EFCAB13: variants seen among roughly 807,000 people sequenced by gnomAD.
The protein encoded by EFCAB13 is EF-hand calcium-binding domain-containing protein 13.
EFCAB13 carries 91 observed loss-of-function variants against 110.2 expected under a neutral mutation model. The observed-to-expected ratio is 0.83, with a 90% CI of 0.70 to 0.98. The LOEUF (loss-of-function observed/expected upper bound fraction) is 0.98, where lower values mean the gene tolerates loss of function less well. EFCAB13 is among the 50% of genes least tolerant of loss of function. The pLI is 0.00. For synonymous variants in EFCAB13, 323 were observed against 369.9 expected (o/e 0.87, Z 1.45); for missense variants, 968 against 1,119.4 (o/e 0.86, Z 1.93).
intron 16 of EFCAB13, among the ~76,000 whole-genome samples, chr17:47,394,821 T>C (rs2065728363): frequency 6.6e-6 from 1 of 152,206 alleles, no homozygotes; most frequent in African/African-American, 2.4e-5. Context: ...TCATTTTTCC[T>C]AGGAAATTCA....
chr17:47,429,545 CA>C (rs1448087929), intron 23 of EFCAB13, among the ~76,000 whole-genome samples: 2 of 151,038 alleles, frequency 1.3e-5, no homozygotes, highest in African/African-American at 2.4e-5. Flanking sequence ...ATCTGAAAAA[CA>C]GGGATGAAAA....
chr17:47,438,579 T>A (rs1279144651), intron 24 of EFCAB13, among the ~76,000 whole-genome samples: 1 of 151,910 alleles, frequency 6.6e-6, no homozygotes, highest in Non-Finnish European at 1.5e-5. Context: ...CTTCTACTTG[T>A]TCAGCTCTAT....
chr17:47,435,512 T>C (rs370348358), intron 24 of EFCAB13, among the ~76,000 whole-genome samples: 132 of 152,222 alleles, frequency 8.7e-4, no homozygotes, highest in African/African-American at 3.1e-3. Flanking sequence ...TTCAGTATAT[T>C]CCTAAGATTT....
chr17:47,436,059 ATG>A (rs1353290687), intron 24 of EFCAB13, among the ~76,000 whole-genome samples: 1 of 152,182 alleles, frequency 6.6e-6, no homozygotes, highest in African/African-American at 2.4e-5. Context: ...TAATCTGTTT[ATG>A]TGGTGTATCA....
Position 47,394,106 on chromosome 17 carries a change from A to G in EFCAB13, c.1801+7A>G, listed in dbSNP as rs2143418119. On this transcript the variant is annotated splice_region_variant and intron_variant, in intron 16 of 24. Coordinates refer to ENST00000331493, the MANE Select transcript of EFCAB13 (RefSeq NM_152347.5). ...TGCTTCTCTGAAAAATTAGGTACGT[A>G]AGAATATCATGTCTTCTGCTTTTTG... 2 of 1,492,734 alleles carry G rather than the reference A, an allele frequency of 1.3e-6. No homozygotes were observed. The highest frequency in any genetic ancestry group is 4.9e-5 in the East Asian group (2 of 40,704). The allele number at this position is 1,492,734 out of a possible 1,614,324, so 92.5% of individuals were successfully genotyped here.
chr17:47,325,962 A>ATATATATG (rs2065283472), intron 2 of EFCAB13, among the ~76,000 whole-genome samples: 2 of 107,106 alleles, frequency 1.9e-5, no homozygotes, highest in Non-Finnish European at 3.9e-5. Context: ...ATATATATAT[A>ATATATATG]GCATATATAT....
intron 20 of EFCAB13, among the ~76,000 whole-genome samples, chr17:47,408,654 G>A (rs11867516): frequency 0.088 from 13,366 of 152,048 alleles, 843 homozygotes; most frequent in East Asian, 0.35. Flanking sequence ...TCCATCTCAA[G>A]TAAATAAATA....
intron 23 of EFCAB13, among the ~76,000 whole-genome samples, chr17:47,419,813 T>G (rs988858547): frequency 1.3e-5 from 2 of 152,168 alleles, no homozygotes; most frequent in African/African-American, 4.8e-5. Flanking sequence ...TTTAAAAGGC[T>G]GTGAACATTG....
intron 23 of EFCAB13, among the ~76,000 whole-genome samples, chr17:47,426,339 CT>C (rs1219914588): frequency 3.9e-5 from 6 of 152,168 alleles, no homozygotes; most frequent in Admixed American, 3.9e-4. Context: ...CAAGATCACA[CT>C]TGTGGGAAAT....
At chr17:47,349,876 G>A (rs557739155) in intron 9 of EFCAB13, among the ~76,000 whole-genome samples, 2 of 145,428 alleles carry the variant, frequency 1.4e-5, no homozygotes, top group Admixed American at 7.1e-5. Context: ...CCGGGTTCAC[G>A]CCATTCTCCT....
At chr17:47,337,429 A>G (rs2065357627) in intron 5 of EFCAB13, among the ~76,000 whole-genome samples, 1 of 152,220 alleles carries the variant, frequency 6.6e-6, no homozygotes, top group South Asian at 2.1e-4. Context: ...AACTCACCAC[A>G]ATGCCTATGT....
chr17:47,411,939 T>A (rs1487288776), intron 21 of EFCAB13, among the ~76,000 whole-genome samples: 2 of 151,912 alleles, frequency 1.3e-5, no homozygotes, highest in East Asian at 3.9e-4. Context: ...TAAAAATATT[T>A]AAAAAATTAG....
chr17:47,440,568 A>G lies in EFCAB13; in HGVS notation c.2776A>G (p.Lys926Glu). ...AAGGCAAGCAGTGGTTTACATGTTA[A>G]AAACAATACAGGATTCGATAGTTAA... ...LERQAVVYMLKTIQDSIVKAQ... is the reference protein window; with the variant it reads ...LERQAVVYMLETIQDSIVKAQ... The change falls in exon 25 of 25, where the codon AAA (lysine) becomes GAA (glutamate). Residue 926 changes from lysine to glutamate, a missense_variant. Transcript: ENST00000331493. 6.2e-7 allele frequency: 1 copy of G among 1,613,388 alleles called. No homozygotes were observed. Among genetic ancestry groups the G allele is most frequent in the South Asian group, 1.1e-5 (1 of 90,990 alleles).
rs1351262943 is a variant in EFCAB13 at position 47,324,040 on chromosome 17, C to T, written c.-352C>T. ...GGCTGACCACAGAGAGCGCGGGGGC[C>T]TCCAGCCGAGAGGAAGGGAGGGCAG... On this transcript the variant is annotated 5_prime_UTR_variant, in exon 1 of 25. Transcript: ENST00000331493. 2 of 152,774 alleles carry T rather than the reference C, an allele frequency of 1.3e-5. No homozygotes were observed. The highest frequency in any genetic ancestry group is 1.9e-4 in the East Asian group (1 of 5,152). 9.5% of individuals were successfully genotyped at this position (152,774 alleles called of 1,614,324 possible).
At chr17:47,339,020 G>GA (rs1201949466) in intron 5 of EFCAB13, among the ~76,000 whole-genome samples, 3 of 151,470 alleles carry the variant, frequency 2.0e-5, no homozygotes, top group Non-Finnish European at 2.9e-5. Flanking sequence ...AATAAAATTG[G>GA]AAAAAAAGGC....
intron 4 of EFCAB13, chr17:47,328,771 T>G (rs2065302725): frequency 6.0e-6 from 1 of 166,416 alleles, no homozygotes; most frequent in Non-Finnish European, 1.3e-5. Context: ...CTTCAGAGTT[T>G]TATGCCCTTC....
intron 17 of EFCAB13, among the ~76,000 whole-genome samples, chr17:47,399,038 T>A (rs960457085): frequency 6.6e-6 from 1 of 152,152 alleles, no homozygotes; most frequent in East Asian, 1.9e-4. Flanking sequence ...TTCTGCTGCC[T>A]CAGCCTCCCA....
chr17:47,410,947 C>T (rs942433372), intron 21 of EFCAB13, among the ~76,000 whole-genome samples: 2 of 151,958 alleles, frequency 1.3e-5, no homozygotes, highest in African/African-American at 2.4e-5. Context: ...TATAAATATC[C>T]GTTTCTGTTT....
chr17:47,420,389 C>T (rs1330822992), intron 23 of EFCAB13, among the ~76,000 whole-genome samples: 1 of 152,230 alleles, frequency 6.6e-6, no homozygotes, highest in Non-Finnish European at 1.5e-5. Flanking sequence ...AAGTGAGGAG[C>T]GTCTCTGCCT....
Sources: allele counts gnomAD v4.1 joint callset (sites outside exome capture counted in the v4.1 genomes callset), GRCh38; gene constraint gnomAD v4.1.1; transcripts MANE v1.5; gene names NCBI Gene and HGNC (gene_info 2026-07-23, HGNC 2026-07-21).